Variants in CLOCK observed in about 807,000 individuals in gnomAD.
CLOCK encodes clock circadian regulator.
In CLOCK, 43 loss-of-function variants were observed where a neutral mutation model predicts 118.4. That is an observed-to-expected ratio of 0.36 (90% CI 0.28 to 0.47). The LOEUF is 0.47. Ranked by LOEUF, CLOCK falls within the 20% of genes least tolerant of loss-of-function variation. The pLI is 1.00. For missense variants in CLOCK, 846 were observed against 999.9 expected, an observed-to-expected ratio of 0.85 and a Z score of 2.08; for synonymous variants, 326 against 339.2, an observed-to-expected ratio of 0.96 and a Z score of 0.43.
intron 1 of CLOCK, chr4:55,545,966 C>G (rs1300283154): frequency 4.6e-5 from 7 of 152,216 alleles, no homozygotes; most frequent in Non-Finnish European, 1.0e-4. Flanking sequence ...GAACGGAACC[C>G]CGGAACCACC....
chr4:55,461,918 T>C (rs1725370665), intron 9 of CLOCK, among the ~76,000 whole-genome samples: 1 of 152,236 alleles, frequency 6.6e-6, no homozygotes, highest in South Asian at 2.1e-4. Flanking sequence ...GTCCTTATTC[T>C]TTCTCTAGAC....
At chr4:55,479,607 T>C (rs544152377) in intron 5 of CLOCK, 33 bp downstream of exon 5, 1 of 1,472,650 alleles carries the variant, frequency 6.8e-7, no homozygotes, top group Non-Finnish European at 9.5e-7. Context: ...TATTATTCAT[T>C]CATTTACTAT....
At chr4:55,462,696 C>T (rs1725431700) in intron 9 of CLOCK, among the ~76,000 whole-genome samples, 1 of 152,202 alleles carries the variant, frequency 6.6e-6, no homozygotes, top group African/African-American at 2.4e-5. Flanking sequence ...CTAAATCTTT[C>T]TAAGTACCAG....
chr4:55,509,444 C>T lies in CLOCK; in HGVS notation c.-136+468G>A, dbSNP rs542086257. Among the ~76,000 whole-genome samples the T allele has an allele frequency of 1.6e-3, 236 of 152,208 alleles. 1 individual carries two copies. The highest frequency in any genetic ancestry group is 2.7e-3 in the Non-Finnish European group (181 of 68,024). ...CACCACTCTTAGCTCATGAGTCATA[C>T]CAAAGCAGGCACCAGGCTGAATAAA... On this transcript the variant is annotated intron_variant, in intron 2 of 22. Coordinates refer to ENST00000513440, the MANE Select transcript of CLOCK (RefSeq NM_004898.4).
Position 55,463,365 on chromosome 4 carries a change from T to C in CLOCK, c.559+320A>G, listed in dbSNP as rs535275283. Among the ~76,000 whole-genome samples, 28 of 152,124 alleles carry C rather than the reference T, an allele frequency of 1.8e-4. 2 individuals are homozygous for C. In the South Asian group the frequency reaches 5.8e-3, roughly 31 times the overall value. ...GAATGTTTAATTTTCCCTTATTAAA[T>C]ACAGTAAAGTTTTATTTATAAATTA... On this transcript the variant is annotated intron_variant, in intron 9 of 22. Transcript: ENST00000513440.
chr4:55,537,781 C>T (rs1396387515), intron 1 of CLOCK, among the ~76,000 whole-genome samples: 1 of 151,930 alleles, frequency 6.6e-6, no homozygotes, highest in Admixed American at 6.6e-5. Flanking sequence ...GTAGTGAGAC[C>T]TTGTCTCAAA....
chr4:55,541,257 T>C (rs796290827), intron 1 of CLOCK, among the ~76,000 whole-genome samples: 2 of 152,212 alleles, frequency 1.3e-5, no homozygotes, highest in Admixed American at 6.5e-5. Context: ...TAAATATAAA[T>C]GCCATTATGT....
intron 18 of CLOCK, among the ~76,000 whole-genome samples, chr4:55,445,653 C>A (rs1422990922): frequency 7.6e-6 from 1 of 131,328 alleles, no homozygotes; most frequent in Non-Finnish European, 1.5e-5. Context: ...AGCAGTGGTG[C>A]GATCATGGCT....
intron 17 of CLOCK, 76 bp downstream of exon 17, chr4:55,449,320 G>A (rs747259338): frequency 7.6e-7 from 1 of 1,312,970 alleles, no homozygotes; most frequent in Non-Finnish European, 1.1e-6. Context: ...ACAAATAGAT[G>A]AATTTCTGAA....
intron 22 of CLOCK, among the ~76,000 whole-genome samples, chr4:55,437,445 C>A (rs748821822): frequency 3.9e-5 from 6 of 152,154 alleles, no homozygotes; most frequent in Admixed American, 6.5e-5. Context: ...GTACATTTCT[C>A]TGCTGAGGAT....
intron 1 of CLOCK, among the ~76,000 whole-genome samples, chr4:55,512,220 C>A (rs1477352001): frequency 6.6e-6 from 1 of 152,078 alleles, no homozygotes; most frequent in Non-Finnish European, 1.5e-5. Context: ...ATGAGAGTTC[C>A]TGTTGTTCCA....
intron 2 of CLOCK, among the ~76,000 whole-genome samples, chr4:55,500,873 A>G (rs915824369): frequency 2.6e-5 from 4 of 151,892 alleles, no homozygotes; most frequent in African/African-American, 9.7e-5. Flanking sequence ...TGTTTTTGAG[A>G]CAGGGTCTTA....
chr4:55,529,304 A>G (rs1350364128), intron 1 of CLOCK, among the ~76,000 whole-genome samples: 1 of 152,114 alleles, frequency 6.6e-6, no homozygotes, highest in Admixed American at 6.6e-5. Context: ...GACTATAGAC[A>G]TGCATGACCA....
intron 4 of CLOCK, among the ~76,000 whole-genome samples, chr4:55,482,082 A>C (rs1254332276): frequency 1.3e-5 from 2 of 152,196 alleles, no homozygotes; most frequent in African/African-American, 4.8e-5. Flanking sequence ...AAACAAAGAC[A>C]ACTTAAAGTC....
chr4:55,517,549 T>A (rs991790127), intron 1 of CLOCK, among the ~76,000 whole-genome samples: 9 of 152,222 alleles, frequency 5.9e-5, no homozygotes, highest in African/African-American at 2.2e-4. Context: ...CTGAATTCTA[T>A]TTGCTAATAT....
intron 21 of CLOCK, among the ~76,000 whole-genome samples, chr4:55,440,710 C>A (rs1181796232): frequency 6.6e-6 from 1 of 152,122 alleles, no homozygotes; most frequent in African/African-American, 2.4e-5. Flanking sequence ...TAAATTAATA[C>A]CTGAATTAGC....
chr4:55,470,278 C>T (rs549630122), intron 8 of CLOCK, among the ~76,000 whole-genome samples: 39 of 152,148 alleles, frequency 2.6e-4, no homozygotes, highest in African/African-American at 9.4e-4. Context: ...TTTTATTGTA[C>T]CTTTTCTATG....
chr4:55,515,206 A>G (rs1277661393), intron 1 of CLOCK, among the ~76,000 whole-genome samples: 1 of 152,196 alleles, frequency 6.6e-6, no homozygotes, highest in Non-Finnish European at 1.5e-5. Context: ...TTTTAATATA[A>G]ATGGAAATCT....
Position 55,539,571 on chromosome 4 carries a change from T to TAAA in CLOCK, c.-290+7210_-290+7211insTTT, listed in dbSNP as rs1231208521. ...CTGGGTGCCAGAGTGAGACCTTGTC[T>TAAA]CAAAAAAAAAAAAAAAAAAAAAAAA... is the stretch of plus-strand genomic sequence containing the variant. On this transcript the variant is annotated intron_variant, in intron 1 of 22. Transcript: ENST00000513440. Among the ~76,000 whole-genome samples the TAAA allele has an allele frequency of 1.1e-3, 10 of 9,512 alleles. 1 individual carries two copies. Among genetic ancestry groups the TAAA allele is most frequent in the Non-Finnish European group, 2.0e-3 (9 of 4,582 alleles). 6.2% of individuals were successfully genotyped at this position (9,512 alleles called of 152,430 possible).
Sources: gnomAD v4.1 joint callset for allele counts (sites outside exome capture counted in the v4.1 genomes callset) on GRCh38, gnomAD v4.1.1 for gene constraint, MANE v1.5 for transcripts, NCBI Gene and HGNC (gene_info 2026-07-23, HGNC 2026-07-21) for gene names.